The following CUEDC1 variants were observed in gnomAD, a reference collection of about 807,000 sequenced individuals.
CUEDC1 encodes the protein CUE domain-containing protein 1.
A neutral mutation model predicts 43.7 loss-of-function variants in CUEDC1; 30 were observed. The observed-to-expected ratio is 0.69, with a 90% CI of 0.51 to 0.93. The LOEUF is 0.93. Ranked by LOEUF, CUEDC1 falls within the 40% of genes least tolerant of loss-of-function variation. The probability of loss-of-function intolerance (pLI) is 0.00; values close to 1 mark genes in which losing one functional copy is unlikely to be tolerated. For missense variants in CUEDC1, 486 were observed against 549.0 expected (o/e 0.89, Z 1.15); for synonymous variants, 223 against 223.6 (o/e 1.00, Z 0.02).
rs982036696 is a variant in CUEDC1 at position 57,896,499 on chromosome 17, T to G, written c.-315-10620A>C. Among the ~76,000 whole-genome samples the G allele has an allele frequency of 3.7e-4, 54 of 146,576 alleles. 1 individual carries two copies. Among genetic ancestry groups the G allele is most frequent in the African/African-American group, 1.1e-3 (43 of 38,282 alleles). On this transcript the variant is annotated intron_variant, in intron 1 of 10. Coordinates refer to ENST00000577830, the MANE Select transcript of CUEDC1 (RefSeq NM_001271875.2). Reference sequence around the variant, plus strand: ...TAGTGCATTATGGGGTGTGTGTGTGTGTGTGTGTGTGTGTGTGTGTGTGTG... The same window carrying G: ...TAGTGCATTATGGGGTGTGTGTGTGGGTGTGTGTGTGTGTGTGTGTGTGTG...
At chr17:57,936,569 T>C (rs757994947) in intron 1 of CUEDC1, among the ~76,000 whole-genome samples, 2 of 152,126 alleles carry the variant, frequency 1.3e-5, no homozygotes, top group Non-Finnish European at 2.9e-5. Context: ...GTGGCTGGGA[T>C]GCAGATGGGC....
chr17:57,902,217 A>C (rs570548614), intron 1 of CUEDC1, among the ~76,000 whole-genome samples: 7 of 152,074 alleles, frequency 4.6e-5, no homozygotes, highest in African/African-American at 1.7e-4. Flanking sequence ...AAAAACAAAA[A>C]ACAAAAAAAA....
At chr17:57,934,227 A>G (rs570605689) in intron 1 of CUEDC1, among the ~76,000 whole-genome samples, 2 of 152,152 alleles carry the variant, frequency 1.3e-5, no homozygotes, top group Non-Finnish European at 2.9e-5. Context: ...GCCCGTCTCT[A>G]CTAAAAATAC....
chr17:57,885,294 C>T lies in CUEDC1; in HGVS notation c.271G>A (p.Gly91Ser), dbSNP rs549523198. The T allele has an allele frequency of 2.0e-5, 32 of 1,609,508 alleles. No homozygotes were observed. The highest frequency in any genetic ancestry group is 2.5e-5 in the Non-Finnish European group (30 of 1,178,346). The stretch of plus-strand genomic sequence containing the variant: ...TAGACGCCGCCGCTGCTGCCACCGC[C>T]CTCCAGGTTCATCTGCAGCAGCTGG... ...IDQLLQMNLE[G>S]GGSSGGVYED... Residue 91 changes from glycine (G) to serine (S), a missense_variant, in exon 2 of 11, where the codon GGC (glycine) becomes AGC (serine). By Grantham distance (56) the Gly-to-Ser change is moderately conservative. Coordinates refer to ENST00000577830, the MANE Select transcript of CUEDC1 (RefSeq NM_001271875.2).
At chr17:57,869,657 T>G (rs2074009313) in intron 6 of CUEDC1, among the ~76,000 whole-genome samples, 1 of 152,186 alleles carries the variant, frequency 6.6e-6, no homozygotes, top group African/African-American at 2.4e-5. Flanking sequence ...GAGCCGGCAT[T>G]CACCTGTAGC....
chr17:57,878,074 T>G (rs2074152322), intron 3 of CUEDC1, among the ~76,000 whole-genome samples: 1 of 152,080 alleles, frequency 6.6e-6, no homozygotes, highest in Admixed American at 6.6e-5. Context: ...TTCCTGTCCC[T>G]GACTCAAAAC....
chr17:57,881,339 A>G (rs1482247090), intron 2 of CUEDC1, among the ~76,000 whole-genome samples: 1 of 152,242 alleles, frequency 6.6e-6, no homozygotes, highest in Non-Finnish European at 1.5e-5. Flanking sequence ...CAGGAAAGGA[A>G]GAATGTAGTG....
At position 57,885,438 on chromosome 17, in the gene CUEDC1, G is replaced by A. The variant is rs1356009789; in HGVS notation, c.127C>T (p.Arg43Cys). 3 of 1,600,190 alleles carry A rather than the reference G, an allele frequency of 1.9e-6. No individual in the cohort carries two copies. Among genetic ancestry groups the A allele is most frequent in the South Asian group, 2.3e-5 (2 of 88,772 alleles). ...ATGGCCTGGTTGAACTCCAGGCGGC[G>A]CACCTGGCGGGCAGGCCGGCTGTTG... ...LNNSRPARQV[R>C]RLEFNQAMDD... Residue 43 changes from arginine to cysteine, a missense_variant, in exon 2 of 11, where the codon CGC becomes TGC. Physicochemically the swap from Arg to Cys is radical, Grantham distance 180 (BLOSUM62 -3). Coordinates refer to ENST00000577830, the MANE Select transcript of CUEDC1 (RefSeq NM_001271875.2).
At chr17:57,880,693 G>A (rs141440032) in intron 2 of CUEDC1, among the ~76,000 whole-genome samples, 24 of 152,276 alleles carry the variant, frequency 1.6e-4, no homozygotes, top group East Asian at 1.4e-3. Context: ...GGCACACTCC[G>A]CAGACATCAA....
chr17:57,886,817 G>GTTTTT (rs777598269), intron 1 of CUEDC1, among the ~76,000 whole-genome samples: 40 of 118,496 alleles, frequency 3.4e-4, no homozygotes, highest in South Asian at 5.5e-4. Context: ...AATTCTGGTT[G>GTTTTT]TTTTTTTTTT....
chr17:57,873,752 A>C, intron 3 of CUEDC1, 35 bp from the exon 4 acceptor site: 2 of 1,517,082 alleles, frequency 1.3e-6, no homozygotes, highest in Non-Finnish European at 1.8e-6. Context: ...AGAGGAAGTC[A>C]TTAAGCCCAA....
intron 10 of CUEDC1, among the ~76,000 whole-genome samples, chr17:57,865,397 G>A (rs551526895): frequency 3.0e-4 from 45 of 152,250 alleles, no homozygotes; most frequent in Admixed American, 1.9e-3. Context: ...ACTTGTTCCC[G>A]GTTTCCCTCC....
At chr17:57,904,104 G>A (rs967294983) in intron 1 of CUEDC1, among the ~76,000 whole-genome samples, 1 of 152,104 alleles carries the variant, frequency 6.6e-6, no homozygotes, top group Non-Finnish European at 1.5e-5. Flanking sequence ...CTGCGTCTGG[G>A]AGAGATGAAA....
At chr17:57,874,711 G>A (rs1326241223) in intron 3 of CUEDC1, among the ~76,000 whole-genome samples, 1 of 152,204 alleles carries the variant, frequency 6.6e-6, no homozygotes, top group African/African-American at 2.4e-5. Context: ...CCGGGCGGTG[G>A]GGGCTGCTCT....
chr17:57,914,315 G>C (rs190076171), intron 1 of CUEDC1, among the ~76,000 whole-genome samples: 13 of 152,308 alleles, frequency 8.5e-5, no homozygotes, highest in African/African-American at 3.1e-4. Flanking sequence ...AGACACAGGG[G>C]GTAAATAAGT....
chr17:57,885,253 G>A lies in CUEDC1; in HGVS notation c.312C>T (p.Asp104=), dbSNP rs111495401. The change falls in exon 2 of 11, where the codon GAC becomes GAT. Residue 104 remains aspartate, a synonymous_variant. Coordinates refer to ENST00000577830, the MANE Select transcript of CUEDC1 (RefSeq NM_001271875.2). The part of the protein sequence containing the change: ...SSGGVYEDSS[D]SEDSIPPEIL... ...CCTCCGGGGGGATGCTGTCCTCCGA[G>A]TCGGAGCTGTCCTCATAGACGCCGC... The A allele has an allele frequency of 1.0e-5, 16 of 1,591,546 alleles. No individual in the cohort carries two copies. In the African/African-American group the frequency reaches 2.2e-4, roughly 21 times the overall value.
chr17:57,898,422 C>CT (rs1198146093), intron 1 of CUEDC1, among the ~76,000 whole-genome samples: 1 of 152,126 alleles, frequency 6.6e-6, no homozygotes, highest in East Asian at 1.9e-4. Context: ...AGGAGTGGGG[C>CT]TTTAGCCTGA....
chr17:57,941,617 G>A (rs112039557), intron 1 of CUEDC1, among the ~76,000 whole-genome samples: 1,755 of 152,324 alleles, frequency 0.012, 36 homozygotes, highest in African/African-American at 0.041. Flanking sequence ...TTTTGTAGAT[G>A]TTTGACATTT....
chr17:57,934,214 A>C (rs141373559), intron 1 of CUEDC1, among the ~76,000 whole-genome samples: 193 of 152,266 alleles, frequency 1.3e-3, no homozygotes, highest in African/African-American at 4.5e-3. Flanking sequence ...TAGTATGGTG[A>C]AAGCCCGTCT....
Sources: gnomAD v4.1 joint callset for allele counts (sites outside exome capture counted in the v4.1 genomes callset) on GRCh38, gnomAD v4.1.1 for gene constraint, MANE v1.5 for transcripts, NCBI Gene and HGNC (gene_info 2026-07-23, HGNC 2026-07-21) for gene names.